TMEM135: variants seen among roughly 807,000 people sequenced by gnomAD.
TMEM135 encodes the protein transmembrane protein 135.
A neutral mutation model predicts 60.3 loss-of-function variants in TMEM135; 30 were observed. The observed-to-expected ratio is 0.50, with a 90% CI of 0.37 to 0.68. TMEM135 has a LOEUF of 0.68. Ranked by LOEUF, TMEM135 falls within the 30% of genes least tolerant of loss-of-function variation. The probability of loss-of-function intolerance (pLI) is 0.00; values close to 1 mark genes in which losing one functional copy is unlikely to be tolerated. For synonymous variants in TMEM135, 190 were observed against 186.7 expected (o/e 1.02, Z -0.14); for missense variants, 468 against 548.8 (o/e 0.85, Z 1.47).
In TMEM135 at chr11:87,328,068, CA is replaced by C. The variant is rs1942940809; in HGVS notation, c.*6736del. The C allele has an allele frequency of 2.2e-6, 1 of 453,940 alleles. No individual in the cohort carries two copies. The allele number at this position is 453,940 out of a possible 1,614,324, so 28.1% of individuals were successfully genotyped here. ...CCAGTTCTCTAGATATTCCTTAATC[CA>C]GTCAAGTTGATGCCTAAAATTAACC... is the stretch of plus-strand genomic sequence containing the variant. On this transcript the variant is annotated 3_prime_UTR_variant, in exon 15 of 15. Coordinates refer to ENST00000305494, the MANE Select transcript of TMEM135 (RefSeq NM_022918.4).
At position 87,325,915 on chromosome 11, in the gene TMEM135, A is replaced by G. The variant is rs1460827749; in HGVS notation, c.*4582A>G. The G allele has an allele frequency of 4.4e-6, 2 of 453,724 alleles. No individual in the cohort carries two copies. The highest frequency in any genetic ancestry group is 8.8e-6 in the Non-Finnish European group (2 of 226,744). 28.1% of individuals were successfully genotyped at this position (453,724 alleles called of 1,614,324 possible). A position where few individuals can be genotyped will look rare whatever the true frequency, so the allele number is the denominator to read the frequency against. Reference sequence around the variant, plus strand: ...TTTTCCATCTGTCCCTCCTACGAATATGTTTTACATGAAATAATGTATTGG... The same window carrying G: ...TTTTCCATCTGTCCCTCCTACGAATGTGTTTTACATGAAATAATGTATTGG... On this transcript the variant is annotated 3_prime_UTR_variant, in exon 15 of 15. Coordinates refer to ENST00000305494, the MANE Select transcript of TMEM135 (RefSeq NM_022918.4).
chr11:87,327,102 T>C lies in TMEM135; in HGVS notation c.*5769T>C. 2.2e-6 allele frequency: 1 copy of C among 454,038 alleles called. No individual in the cohort carries two copies. The allele number at this position is 454,038 out of a possible 1,614,324, so 28.1% of individuals were successfully genotyped here. A position where few individuals can be genotyped will look rare whatever the true frequency, so the allele number is the denominator to read the frequency against. ...ATAATTGTTCTAGGCCTTTCATGTC[T>C]TTCCTTTCTTCTTGTCCAGATACTT... On this transcript the variant is annotated 3_prime_UTR_variant, in exon 15 of 15. Coordinates refer to ENST00000305494, the MANE Select transcript of TMEM135 (RefSeq NM_022918.4).
rs1248655741 is a variant in TMEM135, at chr11:87,257,187, A to G, written c.509+20503A>G. Among the ~76,000 whole-genome samples, 3 of 152,138 alleles carry G rather than the reference A, an allele frequency of 2.0e-5. No homozygotes were observed. The East Asian group carries it at 5.8e-4, about 29-fold the overall frequency. ...TGCTTCTTGTTTAAGGAGCATTATTACTAATCACAGAAAGTTCTTAGATGA... is the reference window on the plus strand; with the variant it reads ...TGCTTCTTGTTTAAGGAGCATTATTGCTAATCACAGAAAGTTCTTAGATGA... On this transcript the variant is annotated intron_variant, in intron 6 of 14. Transcript: ENST00000305494.
intron 6 of TMEM135, among the ~76,000 whole-genome samples, chr11:87,249,657 G>C (rs1364358792): frequency 1.3e-5 from 2 of 151,938 alleles, no homozygotes; most frequent in Admixed American, 6.6e-5. Context: ...TGTATCCCTG[G>C]GATAAATCCC....
intron 5 of TMEM135, among the ~76,000 whole-genome samples, chr11:87,226,979 G>A (rs1172551788): frequency 6.6e-6 from 1 of 152,128 alleles, no homozygotes; most frequent in Non-Finnish European, 1.5e-5. Context: ...AACCTGGGAG[G>A]TGGAGGTTGC....
At chr11:87,200,352 T>C (rs1940067167) in intron 5 of TMEM135, among the ~76,000 whole-genome samples, 1 of 152,170 alleles carries the variant, frequency 6.6e-6, no homozygotes, top group Non-Finnish European at 1.5e-5. Flanking sequence ...GAATTCAAGA[T>C]GGTCAAAGTT....
At chr11:87,276,313 G>T (rs1313693387) in intron 6 of TMEM135, among the ~76,000 whole-genome samples, 1 of 152,018 alleles carries the variant, frequency 6.6e-6, no homozygotes, top group Non-Finnish European at 1.5e-5. Context: ...AATAGTATCT[G>T]ATTTTACATT....
intron 3 of TMEM135, among the ~76,000 whole-genome samples, chr11:87,083,296 G>A (rs887610203): frequency 6.6e-6 from 1 of 152,198 alleles, no homozygotes; most frequent in Non-Finnish European, 1.5e-5. Flanking sequence ...TAGTTTATCT[G>A]TAGGAGGGCT....
At chr11:87,094,611 T>G (rs1591014279) in intron 4 of TMEM135, 1 of 153,028 alleles carries the variant, frequency 6.5e-6, no homozygotes. Context: ...GAGGCTGAGG[T>G]GGGAGGATTG....
At chr11:87,288,805 C>T (rs1205632747) in intron 6 of TMEM135, among the ~76,000 whole-genome samples, 2 of 152,038 alleles carry the variant, frequency 1.3e-5, no homozygotes, top group African/African-American at 4.8e-5. Context: ...TGAAGAAATA[C>T]TTTTTTTCAT....
rs915308515 is a variant in TMEM135, at chr11:87,204,037, C to A, written c.463-32601C>A. 2.0e-5 allele frequency among the ~76,000 whole-genome samples: 3 copies of A among 152,054 alleles called. No individual in the cohort carries two copies. The East Asian group carries it at 5.8e-4, about 29-fold the overall frequency. On this transcript the variant is annotated intron_variant, in intron 5 of 14. Coordinates refer to ENST00000305494, the MANE Select transcript of TMEM135 (RefSeq NM_022918.4). ...CGTGCACAATAATTTTTAGAATTAT[C>A]CTTTTTTTTTCAACTTGACTGCCCA...
At chr11:87,080,113 T>C (rs1004578000) in intron 3 of TMEM135, among the ~76,000 whole-genome samples, 86 of 151,582 alleles carry the variant, frequency 5.7e-4, no homozygotes, top group African/African-American at 2.1e-3. Context: ...GTGCTGAGAT[T>C]ACAGGCATGA....
At chr11:87,064,432 CTG>C (rs1192206074) in intron 1 of TMEM135, among the ~76,000 whole-genome samples, 1 of 152,104 alleles carries the variant, frequency 6.6e-6, no homozygotes, top group East Asian at 1.9e-4. Flanking sequence ...AACAAAAATA[CTG>C]CCATTGATAC....
At chr11:87,042,559 G>A (rs1028681508) in intron 1 of TMEM135, among the ~76,000 whole-genome samples, 8 of 152,130 alleles carry the variant, frequency 5.3e-5, no homozygotes, top group African/African-American at 1.9e-4. Context: ...GCAGGAGAAG[G>A]TCAGAAAAAA....
intron 5 of TMEM135, among the ~76,000 whole-genome samples, chr11:87,226,714 G>A (rs1188974828): frequency 6.6e-6 from 1 of 152,166 alleles, no homozygotes; most frequent in African/African-American, 2.4e-5. Context: ...AGGTTAATGT[G>A]TTGCCAGACT....
intron 6 of TMEM135, among the ~76,000 whole-genome samples, chr11:87,287,404 C>T (rs749401368): frequency 2.0e-4 from 31 of 152,100 alleles, no homozygotes; most frequent in South Asian, 4.1e-4. Flanking sequence ...TTTGGCCGGG[C>T]GCAGTGGCTC....
intron 4 of TMEM135, among the ~76,000 whole-genome samples, chr11:87,105,980 G>C (rs1231884312): frequency 2.0e-5 from 3 of 152,126 alleles, no homozygotes; most frequent in Admixed American, 6.6e-5. Flanking sequence ...CTGTCTCCAG[G>C]AGATCAACTT....
At chr11:87,173,902 C>G (rs553675261) in intron 5 of TMEM135, among the ~76,000 whole-genome samples, 115 of 152,226 alleles carry the variant, frequency 7.6e-4, no homozygotes, top group African/African-American at 2.6e-3. Context: ...GTGCCAGTAT[C>G]TCAGTAATAT....
intron 5 of TMEM135, among the ~76,000 whole-genome samples, chr11:87,227,844 G>A (rs1289849707): frequency 6.6e-6 from 1 of 152,070 alleles, no homozygotes; most frequent in East Asian, 1.9e-4. Flanking sequence ...CTAAAGTTTA[G>A]TCTTTTAAAA....
Sources: gnomAD v4.1 joint callset for allele counts (sites outside exome capture counted in the v4.1 genomes callset) on GRCh38, gnomAD v4.1.1 for gene constraint, MANE v1.5 for transcripts, NCBI Gene and HGNC (gene_info 2026-07-23, HGNC 2026-07-21) for gene names.